CSMD1: variants seen among roughly 807,000 people sequenced by gnomAD.
The protein encoded by CSMD1 is CUB and Sushi multiple domains 1.
A neutral mutation model predicts 417.5 loss-of-function variants in CSMD1; 213 were observed. The ratio of observed to expected loss-of-function variants is 0.51; its 90% CI spans 0.46 to 0.57. CSMD1 has a LOEUF of 0.57. Ranked by LOEUF, CSMD1 falls within the 20% of genes least tolerant of loss-of-function variation. CSMD1 has a pLI of 0.00. For missense variants in CSMD1, 6,923 were observed against 4,529.7 expected (o/e 1.53, Z -15.17); for synonymous variants, 2,862 against 1,736.8 (o/e 1.65, Z -16.11).
intron 5 of CSMD1, among the ~76,000 whole-genome samples, chr8:3,966,645 G>C (rs1356928279): frequency 6.6e-6 from 1 of 151,954 alleles, no homozygotes; most frequent in Non-Finnish European, 1.5e-5. Context: ...CAAGGTCTTT[G>C]AGGGCAAAGA....
chr8:4,261,746 A>C (rs1473851665), intron 3 of CSMD1, among the ~76,000 whole-genome samples: 3 of 152,022 alleles, frequency 2.0e-5, no homozygotes, highest in Non-Finnish European at 4.4e-5. Flanking sequence ...ACACACAGAA[A>C]AATGTTTTCT....
chr8:4,983,700 C>T (rs1003350568), intron 1 of CSMD1, among the ~76,000 whole-genome samples: 18 of 151,274 alleles, frequency 1.2e-4, no homozygotes, highest in South Asian at 6.3e-4. Flanking sequence ...TTTTTTTTTT[C>T]GTATTTTTGG....
At chr8:4,093,122 C>G (rs1431660953) in intron 3 of CSMD1, among the ~76,000 whole-genome samples, 2 of 152,112 alleles carry the variant, frequency 1.3e-5, no homozygotes, top group Non-Finnish European at 2.9e-5. Flanking sequence ...CCTAAAATCT[C>G]CAGCCATAAA....
At chr8:3,931,894 A>G (rs1471976360) in intron 5 of CSMD1, among the ~76,000 whole-genome samples, 1 of 146,298 alleles carries the variant, frequency 6.8e-6, no homozygotes, top group East Asian at 2.0e-4. Context: ...ACATTGTAGG[A>G]AAAGAAACAG....
At chr8:3,299,595 A>C (rs4875568) in intron 25 of CSMD1, among the ~76,000 whole-genome samples, 1 of 152,030 alleles carries the variant, frequency 6.6e-6, no homozygotes. Flanking sequence ...CAGCGGACAT[A>C]GGTGTAATTC....
chr8:4,816,422 T>C (rs1355816210), intron 1 of CSMD1, among the ~76,000 whole-genome samples: 1 of 151,916 alleles, frequency 6.6e-6, no homozygotes, highest in Non-Finnish European at 1.5e-5. Flanking sequence ...GTGAGGGCGG[T>C]TCACCATGTT....
intron 10 of CSMD1, among the ~76,000 whole-genome samples, chr8:3,549,650 G>A (rs1172713822): frequency 6.6e-6 from 1 of 152,162 alleles, no homozygotes; most frequent in Admixed American, 6.5e-5. Flanking sequence ...CATGATGGGA[G>A]AAATCTAGGA....
intron 3 of CSMD1, among the ~76,000 whole-genome samples, chr8:4,128,658 T>C (rs371472145): frequency 6.6e-6 from 1 of 152,078 alleles, no homozygotes; most frequent in Non-Finnish European, 1.5e-5. Context: ...CATGGAAATA[T>C]GTCTTCTTTC....
chr8:4,443,366 A>G (rs1293807095), intron 2 of CSMD1, among the ~76,000 whole-genome samples: 2 of 152,246 alleles, frequency 1.3e-5, no homozygotes, highest in African/African-American at 4.8e-5. Flanking sequence ...CTTTGAAACA[A>G]CGGCTTTGAT....
intron 10 of CSMD1, among the ~76,000 whole-genome samples, chr8:3,504,998 A>G (rs1038586102): frequency 6.7e-5 from 9 of 133,654 alleles, no homozygotes; most frequent in African/African-American, 2.6e-4. Flanking sequence ...CAAACAAAAC[A>G]GTGATGGAGA....
At chr8:4,857,093 G>C (rs963812773) in intron 1 of CSMD1, among the ~76,000 whole-genome samples, 1 of 149,404 alleles carries the variant, frequency 6.7e-6, no homozygotes, top group Non-Finnish European at 1.5e-5. Flanking sequence ...AATCAAACTA[G>C]AATTCAGGAT....
Position 3,137,226 on chromosome 8 carries a change from C to T in CSMD1, c.6241+5239G>A, listed in dbSNP as rs189835928. 3.1e-4 allele frequency among the ~76,000 whole-genome samples: 47 copies of T among 152,264 alleles called. 3 individuals carry two copies. The East Asian group carries it at 8.7e-3, about 28-fold the overall frequency. On this transcript the variant is annotated intron_variant, in intron 41 of 69. Coordinates refer to ENST00000635120, the MANE Select transcript of CSMD1 (RefSeq NM_033225.6). ...TCCTATCTAGCTACAATTTTTTATCCTTTAAAAGAGTTTTGCTAGCAATAT... is the reference window on the plus strand; with the variant it reads ...TCCTATCTAGCTACAATTTTTTATCTTTTAAAAGAGTTTTGCTAGCAATAT...
chr8:4,624,902 T>A (rs1046058807), intron 2 of CSMD1, among the ~76,000 whole-genome samples: 1 of 152,150 alleles, frequency 6.6e-6, no homozygotes, highest in Non-Finnish European at 1.5e-5. Context: ...GGCACTGGCA[T>A]TCTTTTTTAA....
intron 7 of CSMD1, among the ~76,000 whole-genome samples, chr8:3,632,329 G>A (rs1796824346): frequency 6.6e-6 from 1 of 151,964 alleles, no homozygotes; most frequent in Non-Finnish European, 1.5e-5. Flanking sequence ...TCGCCTTCTT[G>A]GACCTTCAGC....
intron 3 of CSMD1, among the ~76,000 whole-genome samples, chr8:4,255,829 C>G (rs1803419612): frequency 6.6e-6 from 1 of 152,200 alleles, no homozygotes; most frequent in Admixed American, 6.5e-5. Context: ...CTGGCCTTGG[C>G]CTTGCCTATC....
chr8:4,555,898 A>G (rs1461075914), intron 2 of CSMD1, among the ~76,000 whole-genome samples: 1 of 152,172 alleles, frequency 6.6e-6, no homozygotes, highest in Admixed American at 6.5e-5. Context: ...AGTCAAGTGT[A>G]TCTTTACTGT....
intron 5 of CSMD1, among the ~76,000 whole-genome samples, chr8:3,921,727 A>C (rs1809281430): frequency 6.6e-6 from 1 of 152,172 alleles, no homozygotes; most frequent in Non-Finnish European, 1.5e-5. Flanking sequence ...TTAGTTTCAT[A>C]ATATAAGAGT....
At chr8:3,851,715 T>C (rs532193186) in intron 5 of CSMD1, among the ~76,000 whole-genome samples, 1 of 151,730 alleles carries the variant, frequency 6.6e-6, no homozygotes, top group Admixed American at 6.6e-5. Context: ...AGAAGATAAA[T>C]AATTAAAGGA....
At chr8:2,993,788 T>G (rs143127629) in intron 54 of CSMD1, among the ~76,000 whole-genome samples, 2 of 152,192 alleles carry the variant, frequency 1.3e-5, no homozygotes, top group East Asian at 3.9e-4. Flanking sequence ...TCGGCCCTTA[T>G]GACTTCAATC....
Sources: gnomAD v4.1 joint callset for allele counts (sites outside exome capture counted in the v4.1 genomes callset) on GRCh38, gnomAD v4.1.1 for gene constraint, MANE v1.5 for transcripts, NCBI Gene and HGNC (gene_info 2026-07-23, HGNC 2026-07-21) for gene names.